YAE1: variants seen among roughly 807,000 people sequenced by gnomAD.
YAE1 encodes YAE1 maturation factor of ABCE1.
YAE1 carries 22 observed loss-of-function variants against 23.0 expected under a neutral mutation model. That is an observed-to-expected ratio of 0.96 (90% CI 0.68 to 1.37). YAE1 has a LOEUF of 1.37. YAE1 is among the 40% of genes most tolerant of loss of function. The probability of loss-of-function intolerance (pLI) is 0.00; values close to 1 mark genes in which losing one functional copy is unlikely to be tolerated. For missense variants in YAE1, 260 were observed against 262.1 expected (o/e 0.99, Z 0.06); for synonymous variants, 101 against 97.0 (o/e 1.04, Z -0.24).
chr7:39,603,009 A>G (rs1452815919), intron 2 of YAE1, among the ~76,000 whole-genome samples: 1 of 152,232 alleles, frequency 6.6e-6, no homozygotes, highest in African/African-American at 2.4e-5. Flanking sequence ...TTGGCCTTCC[A>G]AAGTGCTGGG....
downstream of YAE1, among the ~76,000 whole-genome samples, chr7:39,575,575 A>AGTGAGT (rs1554291556): frequency 3.7e-5 from 3 of 81,726 alleles, no homozygotes; most frequent in African/African-American, 2.2e-4. Context: ...AGAGAGAGAG[A>AGTGAGT]GAGTGAGTGT....
intron 2 of YAE1, among the ~76,000 whole-genome samples, chr7:39,580,971 C>A (rs78637462): frequency 6.6e-6 from 1 of 152,186 alleles, no homozygotes; most frequent in Non-Finnish European, 1.5e-5. Flanking sequence ...ATTCTAACCT[C>A]ACCTGCAGGA....
intron 1 of YAE1, among the ~76,000 whole-genome samples, chr7:39,567,438 A>C (rs890956009): frequency 7.2e-5 from 11 of 152,108 alleles, no homozygotes; most frequent in African/African-American, 2.7e-4. Flanking sequence ...ATTATGCAAA[A>C]TTTCTGAAAC....
At position 39,597,195 on chromosome 7, in the gene YAE1, C is replaced by T. The variant is rs116978798; in HGVS notation, c.252-12422C>T. ...TAAAAGAAAATATTTAGCCTAGTAA[C>T]GCTTTCTCTCATTATTCATGATGTG... On this transcript the variant is annotated intron_variant, in intron 2 of 2. Coordinates refer to the YAE1 transcript ENST00000432096. Among the ~76,000 whole-genome samples, 26 of 152,240 alleles carry T rather than the reference C, an allele frequency of 1.7e-4. No individual in the cohort carries two copies. In the East Asian group the frequency reaches 4.2e-3, roughly 25 times the overall value.
In YAE1 at chr7:39,572,613, C is replaced by T. The variant is rs1790590892; in HGVS notation, c.588C>T (p.Asn196=). 6.2e-7 allele frequency: 1 copy of T among 1,613,926 alleles called. No individual in the cohort carries two copies. The highest frequency in any genetic ancestry group is 1.7e-5 in the Admixed American group (1 of 60,002). ...CACAGGAGCATGCACATTCAGAAAA[C>T]CCAAGCCCCACATGGATTTTGGAAC... ...CRTQEHAHSE[N]PSPTWILEQT... is the part of the protein sequence containing the mutation. Residue 196 remains asparagine (N), a synonymous_variant, in exon 3 of 3, where the codon AAC becomes AAT. Coordinates refer to ENST00000223273, the MANE Select transcript of YAE1 (RefSeq NM_020192.5).
downstream of YAE1, among the ~76,000 whole-genome samples, chr7:39,573,991 C>T (rs544270896): frequency 7.9e-5 from 12 of 152,348 alleles, no homozygotes; most frequent in African/African-American, 2.6e-4. Context: ...CAAATCTCAA[C>T]TCCACATGGA....
downstream of YAE1, among the ~76,000 whole-genome samples, chr7:39,576,507 C>T (rs996242054): frequency 6.6e-6 from 1 of 152,198 alleles, no homozygotes; most frequent in African/African-American, 2.4e-5. Context: ...TACTACAATG[C>T]TTTATGGACA....
intron 2 of YAE1, among the ~76,000 whole-genome samples, chr7:39,601,157 A>C (rs1791050045): frequency 6.6e-6 from 1 of 152,244 alleles, no homozygotes; most frequent in Non-Finnish European, 1.5e-5. Flanking sequence ...TTGGTTAGGC[A>C]CAATTCTAAA....
intron 2 of YAE1, among the ~76,000 whole-genome samples, chr7:39,588,934 T>A (rs908382080): frequency 6.6e-6 from 1 of 152,106 alleles, no homozygotes; most frequent in Non-Finnish European, 1.5e-5. Flanking sequence ...ACAATTCTCC[T>A]GCCTCAGCCT....
exon 3 of YAE1, chr7:39,609,642 G>A: frequency 3.9e-6 from 6 of 1,535,536 alleles, no homozygotes; most frequent in Non-Finnish European, 5.2e-6. Context: ...GAGCCTACTG[G>A]GCTTGAGAGC....
intron 2 of YAE1, among the ~76,000 whole-genome samples, chr7:39,586,464 G>T (rs1482198346): frequency 7.3e-6 from 1 of 137,472 alleles, no homozygotes; most frequent in Non-Finnish European, 1.6e-5. Context: ...GAGCCACCGC[G>T]CCCGGCCAGT....
chr7:39,607,455 G>A (rs764502695), intron 2 of YAE1, among the ~76,000 whole-genome samples: 9 of 147,988 alleles, frequency 6.1e-5, no homozygotes, highest in Non-Finnish European at 1.2e-4. Flanking sequence ...TGCTGGATTT[G>A]AAAGTGAAGG....
At chr7:39,610,350 G>T, downstream of YAE1, 2 of 470,466 alleles carry the variant, frequency 4.3e-6, no homozygotes, top group South Asian at 1.6e-5. Flanking sequence ...TTTTGCAACT[G>T]TTTGATATCA....
intron 2 of YAE1, among the ~76,000 whole-genome samples, chr7:39,587,045 T>TTCTTTCTTTC (rs1413731139): frequency 6.5e-5 from 9 of 139,312 alleles, no homozygotes; most frequent in African/African-American, 2.3e-4. Context: ...TTTCTTTCTT[T>TTCTTTCTTTC]TCTTTCTTTC....
chr7:39,602,150 CAA>C (rs949052485), intron 2 of YAE1, among the ~76,000 whole-genome samples: 1 of 152,152 alleles, frequency 6.6e-6, no homozygotes, highest in East Asian at 1.9e-4. Context: ...CTAGAGGACT[CAA>C]AGAGACAGCC....
chr7:39,592,974 G>A (rs75174301), intron 2 of YAE1, among the ~76,000 whole-genome samples: 2,999 of 151,952 alleles, frequency 0.02, 64 homozygotes, highest in East Asian at 0.11. Flanking sequence ...TCTTAATGCT[G>A]TTTAACAAGT....
chr7:39,569,935 G>A (rs1447619136), intron 1 of YAE1: 16 of 1,319,530 alleles, frequency 1.2e-5, no homozygotes, highest in African/African-American at 2.9e-5. Flanking sequence ...GTCAGTCCTG[G>A]CTGCTCTGTG....
intron 2 of YAE1, among the ~76,000 whole-genome samples, chr7:39,571,444 C>T (rs1432402928): frequency 6.6e-6 from 1 of 151,444 alleles, no homozygotes; most frequent in African/African-American, 2.4e-5. Flanking sequence ...TTCAAAGAAT[C>T]GCTAATTTTA....
At chr7:39,602,060 A>G (rs560986806) in intron 2 of YAE1, among the ~76,000 whole-genome samples, 21 of 152,334 alleles carry the variant, frequency 1.4e-4, no homozygotes, top group African/African-American at 5.1e-4. Context: ...TGTGTTACCT[A>G]GGAGTAATTA....
Sources: allele counts gnomAD v4.1 joint callset (sites outside exome capture counted in the v4.1 genomes callset), GRCh38; gene constraint gnomAD v4.1.1; transcripts MANE v1.5; gene names NCBI Gene and HGNC (gene_info 2026-07-23, HGNC 2026-07-21).